The following SIPA1L1 variants were observed in gnomAD, a reference collection of about 807,000 sequenced individuals.
SIPA1L1 encodes signal induced proliferation associated 1 like 1.
SIPA1L1 carries 26 observed loss-of-function variants against 162.7 expected under a neutral mutation model. That is an observed-to-expected ratio of 0.16 (90% CI 0.12 to 0.22). SIPA1L1 has a LOEUF of 0.22. Among genes scored for constraint, SIPA1L1 ranks in the 10% least tolerant of loss-of-function variants. SIPA1L1 has a pLI of 1.00. For missense variants in SIPA1L1, 1,874 were observed against 2,241.0 expected (o/e 0.84, Z 3.31); for synonymous variants, 829 against 837.4 (o/e 0.99, Z 0.17).
At chr14:71,346,737 T>G (rs111257190) in intron 2 of SIPA1L1, among the ~76,000 whole-genome samples, 2,686 of 152,308 alleles carry the variant, frequency 0.018, 32 homozygotes, top group African/African-American at 0.026. Flanking sequence ...CCATTTAAAG[T>G]GTACAATTTA....
intron 10 of SIPA1L1, among the ~76,000 whole-genome samples, chr14:71,664,297 T>G (rs1335169714): frequency 1.3e-5 from 2 of 152,144 alleles, no homozygotes; most frequent in Non-Finnish European, 2.9e-5. Context: ...TAGGGGTGGT[T>G]TGGTGGAAAA....
chr14:71,607,728 T>C (rs942157675), intron 5 of SIPA1L1, among the ~76,000 whole-genome samples: 5 of 152,194 alleles, frequency 3.3e-5, no homozygotes, highest in African/African-American at 4.8e-5. Flanking sequence ...GACTTTTCAG[T>C]TTCTTTAATT....
chr14:71,438,903 A>G (rs2044619737), intron 2 of SIPA1L1, among the ~76,000 whole-genome samples: 1 of 151,962 alleles, frequency 6.6e-6, no homozygotes, highest in African/African-American at 2.4e-5. Context: ...ATGGGAATTG[A>G]TGGGTGCTGC....
At chr14:71,334,944 G>T (rs1316004037) in intron 2 of SIPA1L1, among the ~76,000 whole-genome samples, 1 of 152,164 alleles carries the variant, frequency 6.6e-6, no homozygotes, top group Non-Finnish European at 1.5e-5. Flanking sequence ...GTAGTAAATA[G>T]TTATATATTT....
chr14:71,375,657 G>A (rs565799689), intron 2 of SIPA1L1, among the ~76,000 whole-genome samples: 2 of 152,158 alleles, frequency 1.3e-5, no homozygotes, highest in African/African-American at 4.8e-5. Context: ...ACTCTTCTCA[G>A]GAGAAAATAA....
intron 2 of SIPA1L1, among the ~76,000 whole-genome samples, chr14:71,389,422 T>G (rs758640710): frequency 6.6e-6 from 1 of 152,234 alleles, no homozygotes; most frequent in Non-Finnish European, 1.5e-5. Flanking sequence ...GATACATGAT[T>G]GATGATCATT....
intron 4 of SIPA1L1, chr14:71,574,984 C>T (rs1377648564): frequency 1.3e-5 from 2 of 152,094 alleles, no homozygotes. Flanking sequence ...AAGAAAGATA[C>T]TTTGTTTGCT....
intron 2 of SIPA1L1, chr14:71,413,935 T>C (rs1447329664): frequency 2.6e-5 from 4 of 152,226 alleles, no homozygotes; most frequent in African/African-American, 9.6e-5. Context: ...AGTTCATAAT[T>C]ATTTTAATCT....
rs182722758 is a variant in SIPA1L1, at chr14:71,706,976, A to G, written c.3765+1636A>G. ...CTTGAACCCGGGAGGCAGAGGTTGC[A>G]GTGAGCTGAGATCATGCCACTGCAC... On this transcript the variant is annotated intron_variant, in intron 16 of 23. Transcript: ENST00000381232. Among the ~76,000 whole-genome samples, 117 of 150,624 alleles carry G rather than the reference A, an allele frequency of 7.8e-4. 1 individual carries two copies. The highest frequency in any genetic ancestry group is 2.6e-3 in the African/African-American group (105 of 40,924).
At chr14:71,351,622 C>T (rs1285487797) in intron 2 of SIPA1L1, among the ~76,000 whole-genome samples, 1 of 152,036 alleles carries the variant, frequency 6.6e-6, no homozygotes, top group Non-Finnish European at 1.5e-5. Flanking sequence ...TTTATTATTA[C>T]CATAAACTGA....
chr14:71,395,472 G>A (rs892478233), intron 2 of SIPA1L1, among the ~76,000 whole-genome samples: 1 of 152,278 alleles, frequency 6.6e-6, no homozygotes, highest in South Asian at 2.1e-4. Context: ...ACCAGCCAGG[G>A]CAACATAGCA....
rs1430376622 is a variant in SIPA1L1 at position 71,380,891 on chromosome 14, C to G, written c.-465+59710C>G. On this transcript the variant is annotated intron_variant, in intron 2 of 23. Coordinates refer to ENST00000381232, the MANE Select transcript of SIPA1L1 (RefSeq NM_001386936.1). ...GCAGCTTAGCAACACTTATATGCTG[C>G]CCATGTAAGCCTCTTAAAGCATATT... Among the ~76,000 whole-genome samples, 10 of 152,052 alleles carry G rather than the reference C, an allele frequency of 6.6e-5. 1 individual carries two copies. The highest frequency in any genetic ancestry group is 6.5e-4 in the Admixed American group (10 of 15,272).
intron 17 of SIPA1L1, among the ~76,000 whole-genome samples, chr14:71,717,969 T>C (rs142634428): frequency 6.6e-6 from 1 of 152,328 alleles, no homozygotes; most frequent in East Asian, 1.9e-4. Context: ...GTTCTGTGGC[T>C]TGAGAAACAC....
intron 5 of SIPA1L1, among the ~76,000 whole-genome samples, chr14:71,611,086 A>C (rs796651414): frequency 2.0e-5 from 3 of 152,300 alleles, no homozygotes; most frequent in African/African-American, 7.2e-5. Context: ...TTTAGTTCTC[A>C]TGGAACCTCC....
At chr14:71,504,757 A>G (rs2050520853) in intron 2 of SIPA1L1, among the ~76,000 whole-genome samples, 1 of 152,252 alleles carries the variant, frequency 6.6e-6, no homozygotes, top group Non-Finnish European at 1.5e-5. Context: ...GATCCATTCC[A>G]AACATTCCTT....
chr14:71,331,470 A>G (rs572005961), intron 2 of SIPA1L1, among the ~76,000 whole-genome samples: 10 of 152,350 alleles, frequency 6.6e-5, no homozygotes, highest in African/African-American at 2.4e-4. Context: ...GTATGAGGCT[A>G]CCAATTGGCA....
intron 2 of SIPA1L1, among the ~76,000 whole-genome samples, chr14:71,440,948 G>A (rs570916324): frequency 2.0e-5 from 3 of 152,208 alleles, no homozygotes; most frequent in Admixed American, 1.3e-4. Context: ...GTCTTTAGCT[G>A]TATCTTTGCA....
intron 4 of SIPA1L1, among the ~76,000 whole-genome samples, chr14:71,554,120 C>G (rs779797011): frequency 6.6e-6 from 1 of 152,060 alleles, no homozygotes; most frequent in East Asian, 1.9e-4. Flanking sequence ...GGTACTGATA[C>G]GTTATTTCTG....
At chr14:71,462,592 G>C (rs1432131282) in intron 2 of SIPA1L1, among the ~76,000 whole-genome samples, 2 of 152,142 alleles carry the variant, frequency 1.3e-5, no homozygotes, top group Non-Finnish European at 2.9e-5. Context: ...GGAATATCTT[G>C]ACAGGCCCCA....
Sources: allele counts gnomAD v4.1 joint callset (sites outside exome capture counted in the v4.1 genomes callset), GRCh38; gene constraint gnomAD v4.1.1; transcripts MANE v1.5; gene names NCBI Gene and HGNC (gene_info 2026-07-23, HGNC 2026-07-21).